The following MARVELD3 variants were observed in gnomAD, a reference collection of about 807,000 sequenced individuals.
MARVELD3 encodes the protein MARVEL domain containing 3.
A neutral mutation model predicts 33.5 loss-of-function variants in MARVELD3; 28 were observed. That is an observed-to-expected ratio of 0.84 (90% CI 0.62 to 1.15). The LOEUF (loss-of-function observed/expected upper bound fraction) is 1.15, where lower values mean the gene tolerates loss of function less well. Among genes scored for constraint, MARVELD3 ranks in the 50% most tolerant of loss-of-function variants. The pLI, the probability that MARVELD3 is intolerant of heterozygous loss-of-function variation, is 0.00. For missense variants in MARVELD3, 582 were observed against 547.6 expected (o/e 1.06, Z -0.63); for synonymous variants, 241 against 230.4 (o/e 1.05, Z -0.42).
Position 71,626,517 on chromosome 16 carries a change from C to T in MARVELD3, c.288C>T (p.Asp96=), listed in dbSNP as rs1353212566. The part of the protein sequence containing the change: ...DRGPRRDTHR[D]AGPRAGEHGV... ...GCCCCCGCCGGGACACACACAGGGA[C>T]GCGGGCCCTCGCGCAGGTGAACACG... is the stretch of plus-strand genomic sequence containing the variant. Residue 96 remains aspartate, a synonymous_variant, in exon 1 of 3, where the codon GAC becomes GAT. Coordinates refer to ENST00000268485, the MANE Select transcript of MARVELD3 (RefSeq NM_052858.6). The surrounding 1 kb of genome is among the most constrained non-coding windows in gnomAD (Gnocchi z 5.3). The T allele has an allele frequency of 2.6e-6, 4 of 1,549,638 alleles. No individual in the cohort carries two copies. The highest frequency in any genetic ancestry group is 3.9e-5 in the Admixed American group (2 of 51,022).
downstream of MARVELD3, chr16:71,640,979 C>T (rs2303225): frequency 3.1e-6 from 5 of 1,612,716 alleles, no homozygotes; most frequent in African/African-American, 2.7e-5. Flanking sequence ...GAGAACAGCC[C>T]GGAAGTTACA....
intron 2 of MARVELD3, among the ~76,000 whole-genome samples, chr16:71,632,391 G>C (rs2044541689): frequency 6.6e-6 from 1 of 152,102 alleles, no homozygotes; most frequent in Non-Finnish European, 1.5e-5. Context: ...AGTTTTCTTT[G>C]TCCAAGATAA....
At chr16:71,632,562 TTTAA>T (rs2044542898) in intron 2 of MARVELD3, among the ~76,000 whole-genome samples, 1 of 152,014 alleles carries the variant, frequency 6.6e-6, no homozygotes, top group South Asian at 2.1e-4. Flanking sequence ...GCATTAAGGG[TTTAA>T]TTAACTTAAT....
downstream of MARVELD3, chr16:71,637,700 C>G (rs1158046914): frequency 6.6e-6 from 1 of 152,166 alleles, no homozygotes; most frequent in African/African-American, 2.4e-5. Context: ...TTATAAACAT[C>G]ATGGTACCCC....
At position 71,636,112 on chromosome 16, in the gene MARVELD3, G is replaced by T. The variant is rs1011436023; in HGVS notation, c.*1309G>T. ...ATTGCAATATATTCTCGGTCCTTAA[G>T]TTATGACTTATGGAACATTACAATA... On this transcript the variant is annotated 3_prime_UTR_variant, in exon 3 of 3. Coordinates refer to ENST00000268485, the MANE Select transcript of MARVELD3 (RefSeq NM_052858.6). 1.0e-6 allele frequency: 1 copy of T among 985,082 alleles called. No homozygotes were observed. Among genetic ancestry groups the T allele is most frequent in the African/African-American group, 1.7e-5 (1 of 57,194 alleles). The allele number at this position is 985,082 out of a possible 1,614,324, so 61.0% of individuals were successfully genotyped here.
chr16:71,633,373 A>C (rs1444513808), intron 2 of MARVELD3, among the ~76,000 whole-genome samples: 1 of 152,070 alleles, frequency 6.6e-6, no homozygotes, highest in South Asian at 2.1e-4. Flanking sequence ...AGAAGAGACA[A>C]CTTGTTTAGT....
At position 71,626,434 on chromosome 16, in the gene MARVELD3, C is replaced by G. The variant is rs1326928437; in HGVS notation, c.205C>G (p.Arg69Gly). ...PERDQERDGN[R>G]DRNRDRERER... Reference sequence around the variant, plus strand: ...GAGAGACCAGGAGAGGGACGGGAACCGCGACCGGAACCGGGACCGGGAGAG... The same window carrying G: ...GAGAGACCAGGAGAGGGACGGGAACGGCGACCGGAACCGGGACCGGGAGAG... The change falls in exon 1 of 3, where the codon CGC becomes GGC. Residue 69 changes from arginine (R) to glycine (G), a missense_variant. Arg to Gly is a moderately radical substitution (Grantham distance 125, BLOSUM62 -2). Coordinates refer to ENST00000268485, the MANE Select transcript of MARVELD3 (RefSeq NM_052858.6). This position sits in a 1 kb window ranked among gnomAD's most constrained non-coding sequence, Gnocchi z 5.3. 1 of 1,548,248 alleles carries G rather than the reference C, an allele frequency of 6.5e-7. No individual in the cohort carries two copies. The highest frequency in any genetic ancestry group is 8.7e-7 in the Non-Finnish European group (1 of 1,146,210).
chr16:71,641,150 G>A (rs746662556), downstream of MARVELD3: 27 of 1,250,048 alleles, frequency 2.2e-5, no homozygotes, highest in Middle Eastern at 2.0e-4. Flanking sequence ...TCTTTGGACT[G>A]AGGCAAAGTT....
In MARVELD3 at chr16:71,636,094, T is replaced by A; in HGVS notation, c.*1291T>A. The A allele has an allele frequency of 1.0e-6, 1 of 985,354 alleles. No homozygotes were observed. Among genetic ancestry groups the A allele is most frequent in the Non-Finnish European group, 1.2e-6 (1 of 829,858 alleles). The allele number at this position is 985,354 out of a possible 1,614,324, so 61.0% of individuals were successfully genotyped here. A position where few individuals can be genotyped will look rare whatever the true frequency, so the allele number is the denominator to read the frequency against. On this transcript the variant is annotated 3_prime_UTR_variant, in exon 3 of 3. Transcript: ENST00000268485. Reference sequence around the variant, plus strand: ...AATTATGACTTATGGAACATTGCAATATATTCTCGGTCCTTAAGTTATGAC... The same window carrying A: ...AATTATGACTTATGGAACATTGCAAAATATTCTCGGTCCTTAAGTTATGAC...
intron 2 of MARVELD3, among the ~76,000 whole-genome samples, chr16:71,630,330 T>G (rs897074818): frequency 2.1e-4 from 28 of 133,028 alleles, no homozygotes; most frequent in African/African-American, 7.8e-4. Flanking sequence ...TTTAAAAAAT[T>G]TTTAAAATAA....
chr16:71,632,121 T>A (rs1012781565), intron 2 of MARVELD3, among the ~76,000 whole-genome samples: 1 of 152,228 alleles, frequency 6.6e-6, no homozygotes, highest in African/African-American at 2.4e-5. Flanking sequence ...GTTTCTAACC[T>A]TCTTTCCTTT....
chr16:71,629,423 T>A lies in MARVELD3; in HGVS notation c.524T>A (p.Val175Glu). Residue 175 changes from valine (V) to glutamate (E), a missense_variant, in exon 2 of 3, where the codon GTG becomes GAG. By Grantham distance (121) the Val-to-Glu change is moderately radical (BLOSUM62 -2). Transcript: ENST00000268485. ...ACCCCCAGGCCTGGACGAGAGGAGG[T>A]GGAATATTACCAGTCAGAGGCGGAA... ...PSTPRPGREE[V>E]EYYQSEAEGL... 1 of 1,580,438 alleles carries A rather than the reference T, an allele frequency of 6.3e-7. No individual in the cohort carries two copies. The highest frequency in any genetic ancestry group is 8.6e-7 in the Non-Finnish European group (1 of 1,166,792).
In MARVELD3 at chr16:71,626,831, C is replaced by T. The variant is rs1190716479; in HGVS notation, c.467+135C>T. On this transcript the variant is annotated intron_variant, in intron 1 of 2. Transcript: ENST00000268485. The surrounding 1 kb of genome is among the most constrained non-coding windows in gnomAD (Gnocchi z 5.3). Reference sequence around the variant, plus strand: ...GAACAAATGCCGTTTCTCCCTTCTGCGCTCTCAGAGGCGACCTGGCAGGGA... The same window carrying T: ...GAACAAATGCCGTTTCTCCCTTCTGTGCTCTCAGAGGCGACCTGGCAGGGA... 11 of 783,066 alleles carry T rather than the reference C, an allele frequency of 1.4e-5. No individual in the cohort carries two copies. Among genetic ancestry groups the T allele is most frequent in the Non-Finnish European group, 1.8e-5 (10 of 543,730 alleles). The allele number at this position is 783,066 out of a possible 1,614,324, so 48.5% of individuals were successfully genotyped here. A position where few individuals can be genotyped will look rare whatever the true frequency, so the allele number is the denominator to read the frequency against.
chr16:71,626,557 C>A lies in MARVELD3; in HGVS notation c.328C>A (p.Pro110Thr), dbSNP rs766231856. The change falls in exon 1 of 3, where the codon CCG becomes ACG. Residue 110 changes from proline (P) to threonine (T), a missense_variant. Coordinates refer to ENST00000268485, the MANE Select transcript of MARVELD3 (RefSeq NM_052858.6). The surrounding 1 kb of genome is among the most constrained non-coding windows in gnomAD (Gnocchi z 5.3). ...AGGTGAACACGGAGTTTGGGAAAAACCGCGCCAAAGCCGGACGCGGGACGG... is the reference window on the plus strand; with the variant it reads ...AGGTGAACACGGAGTTTGGGAAAAAACGCGCCAAAGCCGGACGCGGGACGG... The part of the protein sequence containing the change: ...RAGEHGVWEK[P>T]RQSRTRDGAR... The A allele has an allele frequency of 1.7e-4, 258 of 1,548,686 alleles. 1 individual carries two copies. In the Admixed American group the frequency reaches 4.9e-3, roughly 30 times the overall value.
chr16:71,632,730 G>A (rs1214715534), intron 2 of MARVELD3, among the ~76,000 whole-genome samples: 1 of 151,590 alleles, frequency 6.6e-6, no homozygotes, highest in African/African-American at 2.4e-5. Flanking sequence ...TTCCACCTCA[G>A]CCTCCTGAGG....
downstream of MARVELD3, chr16:71,638,625 G>A (rs550147998): frequency 2.6e-5 from 4 of 152,194 alleles, 1 homozygote; most frequent in South Asian, 6.2e-4. Context: ...GAAACTTTTC[G>A]TTTTGAAATA....
Position 71,626,580 on chromosome 16 carries a change from C to G in MARVELD3, c.351C>G (p.Asp117Glu), listed in dbSNP as rs1482935574. The G allele has an allele frequency of 1.9e-6, 3 of 1,545,926 alleles. No individual in the cohort carries two copies. The highest frequency in any genetic ancestry group is 2.6e-6 in the Non-Finnish European group (3 of 1,146,720). Residue 117 changes from aspartate (D) to glutamate (E), a missense_variant, in exon 1 of 3, where the codon GAC becomes GAG. Asp to Glu is a conservative substitution (Grantham distance 45). Transcript: ENST00000268485. This position sits in a 1 kb window ranked among gnomAD's most constrained non-coding sequence, Gnocchi z 5.3. ...WEKPRQSRTRDGARGLTWDAA... is the reference protein window; with the variant it reads ...WEKPRQSRTREGARGLTWDAA... ...AACCGCGCCAAAGCCGGACGCGGGACGGAGCCCGGGGACTGACCTGGGACG... is the reference window on the plus strand; with the variant it reads ...AACCGCGCCAAAGCCGGACGCGGGAGGGAGCCCGGGGACTGACCTGGGACG...
chr16:71,634,709 T>C lies in MARVELD3; in HGVS notation c.1112T>C (p.Ile371Thr), dbSNP rs757529053. 1.9e-6 allele frequency: 3 copies of C among 1,614,104 alleles called. No homozygotes were observed. Among genetic ancestry groups the C allele is most frequent in the East Asian group, 2.2e-5 (1 of 44,896 alleles). The part of the protein sequence containing the change: ...IGAGIFAALG[I>T]VVFALGAVLA... ...GCTGGAATCTTTGCTGCCCTGGGCA[T>C]TGTGGTCTTTGCCCTGGGGGCTGTC... The change falls in exon 3 of 3, where the codon ATT becomes ACT. Residue 371 changes from isoleucine to threonine, a missense_variant. Physicochemically the swap from Ile to Thr is moderately conservative, Grantham distance 89. Transcript: ENST00000268485.
At chr16:71,629,584 G>A (rs758781670) in intron 2 of MARVELD3, 90 bp downstream of exon 2, 1 of 1,291,978 alleles carries the variant, frequency 7.7e-7, no homozygotes, top group Non-Finnish European at 1.0e-6. Context: ...AATTTAAGCA[G>A]ATTCCCTTGT....
Sources: gnomAD v4.1 joint callset for allele counts (sites outside exome capture counted in the v4.1 genomes callset) on GRCh38, gnomAD v4.1.1 for gene constraint, Gnocchi (gnomAD v3.1) non-coding constraint, MANE v1.5 for transcripts, NCBI Gene and HGNC (gene_info 2026-07-23, HGNC 2026-07-21) for gene names.